Variants in NTRK2 observed in about 807,000 individuals in gnomAD.
The protein encoded by NTRK2 is neurotrophic receptor tyrosine kinase 2.
NTRK2 carries 13 observed loss-of-function variants against 94.5 expected under a neutral mutation model. The observed-to-expected ratio is 0.14, with a 90% CI of 0.09 to 0.22. The LOEUF (loss-of-function observed/expected upper bound fraction) is 0.22, where lower values mean the gene tolerates loss of function less well. Ranked by LOEUF, NTRK2 falls within the 10% of genes least tolerant of loss-of-function variation. The probability of loss-of-function intolerance (pLI) is 1.00; values close to 1 mark genes in which losing one functional copy is unlikely to be tolerated. For synonymous variants in NTRK2, 372 were observed against 407.4 expected, an observed-to-expected ratio of 0.91 and a Z score of 1.05; for missense variants, 639 against 1,071.2, an observed-to-expected ratio of 0.60 and a Z score of 5.63.
chr9:84,763,871 T>A (rs1020036156), intron 12 of NTRK2, among the ~76,000 whole-genome samples: 1 of 152,166 alleles, frequency 6.6e-6, no homozygotes, highest in Non-Finnish European at 1.5e-5. Context: ...CCTTGCAGTC[T>A]AGAACATGGC....
At chr9:84,701,938 A>G (rs1477535996) in intron 2 of NTRK2, among the ~76,000 whole-genome samples, 1 of 152,202 alleles carries the variant, frequency 6.6e-6, no homozygotes, top group East Asian at 1.9e-4. Flanking sequence ...ACGAGGAGAA[A>G]TGAAACCCAG....
At chr9:84,991,144 T>A (rs936133828) in intron 17 of NTRK2, among the ~76,000 whole-genome samples, 2 of 152,186 alleles carry the variant, frequency 1.3e-5, no homozygotes, top group Non-Finnish European at 2.9e-5. Flanking sequence ...CCTCTCTTTT[T>A]CAAAGGAGGG....
intron 12 of NTRK2, among the ~76,000 whole-genome samples, chr9:84,763,551 C>G (rs748379860): frequency 6.6e-6 from 1 of 152,002 alleles, no homozygotes; most frequent in Non-Finnish European, 1.5e-5. Context: ...CACTCAACAC[C>G]TAGATTCAAC....
At chr9:84,988,741 G>T (rs1588127112) in intron 17 of NTRK2, among the ~76,000 whole-genome samples, 1 of 152,330 alleles carries the variant, frequency 6.6e-6, no homozygotes, top group Admixed American at 6.5e-5. Context: ...CAGGCCACTT[G>T]CCTGTGCTAC....
intron 12 of NTRK2, among the ~76,000 whole-genome samples, chr9:84,833,926 G>A (rs1259185112): frequency 6.6e-6 from 1 of 152,206 alleles, no homozygotes; most frequent in Non-Finnish European, 1.5e-5. Flanking sequence ...CAGCAAGGGT[G>A]AGAATTGCAG....
intron 14 of NTRK2, among the ~76,000 whole-genome samples, chr9:84,869,252 G>C (rs1323832176): frequency 6.6e-6 from 1 of 152,074 alleles, no homozygotes; most frequent in Non-Finnish European, 1.5e-5. Flanking sequence ...CAGTCATTCT[G>C]TGCCTCCTGT....
intron 17 of NTRK2, among the ~76,000 whole-genome samples, chr9:84,975,142 G>A (rs1453568722): frequency 6.6e-6 from 1 of 152,166 alleles, no homozygotes; most frequent in Non-Finnish European, 1.5e-5. Flanking sequence ...GTTCTCAGAG[G>A]AAGGAAGGTT....
At chr9:84,834,594 G>A (rs1040458813) in intron 12 of NTRK2, among the ~76,000 whole-genome samples, 2 of 152,104 alleles carry the variant, frequency 1.3e-5, no homozygotes, top group Non-Finnish European at 2.9e-5. Flanking sequence ...ATTTCAAATC[G>A]GAGGGGTGTG....
chr9:84,915,313 T>C (rs2077363103), intron 14 of NTRK2, among the ~76,000 whole-genome samples: 1 of 152,220 alleles, frequency 6.6e-6, no homozygotes, highest in African/African-American at 2.4e-5. Context: ...ATCCCCAGTG[T>C]TGAGGTGGAT....
chr9:84,915,151 T>TACTC lies in NTRK2; in HGVS notation c.1634-19009_1634-19006dup, dbSNP rs551466739. Among the ~76,000 whole-genome samples the TACTC allele has an allele frequency of 1.5e-3, 224 of 152,272 alleles. 1 individual carries two copies. Among genetic ancestry groups the TACTC allele is most frequent in the African/African-American group, 5.1e-3 (212 of 41,562 alleles). On this transcript the variant is annotated intron_variant, in intron 14 of 18. Transcript: ENST00000277120. Reference sequence around the variant, plus strand: ...GAGGCAAAGCTCAGGTGGTGATGCTTACTCATCCGCTGCTCACTGCCTGCT... The same window carrying TACTC: ...GAGGCAAAGCTCAGGTGGTGATGCTTACTCACTCATCCGCTGCTCACTGCCTGCT...
chr9:84,986,802 A>T (rs1434523512), intron 17 of NTRK2, among the ~76,000 whole-genome samples: 2 of 152,244 alleles, frequency 1.3e-5, no homozygotes, highest in Admixed American at 6.5e-5. Flanking sequence ...CTTTGCCCAT[A>T]ATTGGGGAAC....
rs113317637 is a variant in NTRK2, at chr9:84,825,622, G to A, written c.1397-35418G>A. Among the ~76,000 whole-genome samples the A allele has an allele frequency of 1.6e-3, 247 of 152,336 alleles. 2 individuals are homozygous for A. Among genetic ancestry groups the A allele is most frequent in the African/African-American group, 5.7e-3 (236 of 41,580 alleles). ...TCTGGCAAGTCATTCAGACAGCATG[G>A]CATGCAGTAACAGAAGCAATGACCA... On this transcript the variant is annotated intron_variant, in intron 12 of 18. Transcript: ENST00000277120.
At chr9:84,724,576 G>T in intron 8 of NTRK2, among the ~76,000 whole-genome samples, 1 of 151,788 alleles carries the variant, frequency 6.6e-6, no homozygotes, top group African/African-American at 2.4e-5. Flanking sequence ...CTTCTTTTTC[G>T]ATTTTGAGCT....
intron 12 of NTRK2, among the ~76,000 whole-genome samples, chr9:84,781,321 T>C (rs2067540844): frequency 6.6e-6 from 1 of 152,164 alleles, no homozygotes; most frequent in South Asian, 2.1e-4. Context: ...TAAAATTAAT[T>C]TCTACTTACA....
At chr9:84,887,455 C>T (rs2076452008) in intron 14 of NTRK2, among the ~76,000 whole-genome samples, 1 of 152,208 alleles carries the variant, frequency 6.6e-6, no homozygotes, top group South Asian at 2.1e-4. Flanking sequence ...TAAGTACCCC[C>T]TGGAGGGGAA....
chr9:84,994,296 C>A (rs1034717342), intron 17 of NTRK2, among the ~76,000 whole-genome samples: 7 of 152,296 alleles, frequency 4.6e-5, no homozygotes, highest in Admixed American at 3.9e-4. Flanking sequence ...GGGCCATGCT[C>A]ACTATCATAT....
chr9:84,791,727 G>A (rs1019987748), intron 12 of NTRK2, among the ~76,000 whole-genome samples: 3 of 152,232 alleles, frequency 2.0e-5, no homozygotes, highest in African/African-American at 7.2e-5. Flanking sequence ...TGGATTTTAT[G>A]GTCCTATGTG....
At chr9:84,719,419 C>CT (rs2061916999) in intron 6 of NTRK2, among the ~76,000 whole-genome samples, 1 of 151,980 alleles carries the variant, frequency 6.6e-6, no homozygotes, top group African/African-American at 2.4e-5. Context: ...ATTATGTAAG[C>CT]TTGAGTTTGA....
intron 12 of NTRK2, among the ~76,000 whole-genome samples, chr9:84,846,413 G>A (rs1356669152): frequency 6.6e-6 from 1 of 152,110 alleles, no homozygotes; most frequent in Non-Finnish European, 1.5e-5. Context: ...ATTTTAAGCT[G>A]GACACTATTT....
Sources: allele counts gnomAD v4.1 joint callset (sites outside exome capture counted in the v4.1 genomes callset), GRCh38; gene constraint gnomAD v4.1.1; transcripts MANE v1.5; gene names NCBI Gene and HGNC (gene_info 2026-07-23, HGNC 2026-07-21).